FBF1: variants seen among roughly 807,000 people sequenced by gnomAD.
FBF1 encodes the protein fas-binding factor 1.
In FBF1, 119 loss-of-function variants were observed where a neutral mutation model predicts 147.2. The ratio of observed to expected loss-of-function variants is 0.81; its 90% CI spans 0.70 to 0.94. FBF1 has a LOEUF of 0.94. Among genes scored for constraint, FBF1 ranks in the 40% least tolerant of loss-of-function variants. The pLI is 0.00. For missense variants in FBF1, 1,449 were observed against 1,500.8 expected (o/e 0.97, Z 0.57); for synonymous variants, 601 against 609.0 (o/e 0.99, Z 0.19).
intron 3 of FBF1, 80 bp from the exon 4 acceptor site, chr17:75,935,753 A>T (rs1266259084): frequency 7.4e-7 from 1 of 1,347,222 alleles, no homozygotes; most frequent in Non-Finnish European, 1.0e-6. Context: ...GAGACTCGCC[A>T]GAAGGCGTCA....
rs2065573217 is a variant in FBF1 at position 75,928,088 on chromosome 17, G to A, written c.385C>T (p.Pro129Ser). ...DPGKGELPNH[P>S]KPAGGAIPTK... ...GCTACTGACCCACCTGCAGGCTTGG[G>A]GTGGTTGGGCAGCTCTCCTTTCCCA... Residue 129 changes from proline (P) to serine (S), a missense_variant, in exon 8 of 30, where the codon CCC becomes TCC. Pro to Ser is a moderately conservative substitution (Grantham distance 74). Transcript: ENST00000636174. This position sits in a 1 kb window ranked among gnomAD's most constrained non-coding sequence, Gnocchi z 4.2. 1 of 1,613,308 alleles carries A rather than the reference G, an allele frequency of 6.2e-7. No individual in the cohort carries two copies. The highest frequency in any genetic ancestry group is 1.7e-5 in the Admixed American group (1 of 59,992).
intron 28 of FBF1, among the ~76,000 whole-genome samples, chr17:75,912,544 T>C (rs1338060493): frequency 6.6e-6 from 1 of 152,192 alleles, no homozygotes; most frequent in East Asian, 1.9e-4. Flanking sequence ...CAAACACATA[T>C]GTAGGAAGAT....
chr17:75,910,007 C>T lies in FBF1; in HGVS notation c.*716G>A, dbSNP rs779989122. 1.0e-5 allele frequency: 7 copies of T among 679,836 alleles called. No individual in the cohort carries two copies. Among genetic ancestry groups the T allele is most frequent in the South Asian group, 6.0e-5 (4 of 66,536 alleles). 42.1% of individuals were successfully genotyped at this position (679,836 alleles called of 1,614,324 possible). On this transcript the variant is annotated 3_prime_UTR_variant, in exon 30 of 30. Coordinates refer to ENST00000636174, the MANE Select transcript of FBF1 (RefSeq NM_001319193.2). This position sits in a 1 kb window ranked among gnomAD's most constrained non-coding sequence, Gnocchi z 4.1. ...TGAGCAGCACAGAGGCTTCCCTCCT[C>T]GTCCCTCCCCACACCCCACCATCGC...
Position 75,931,274 on chromosome 17 carries a change from A to G in FBF1, c.183T>C (p.Asp61=), listed in dbSNP as rs149127759. The G allele has an allele frequency of 8.2e-4, 1,292 of 1,583,966 alleles. 13 individuals carry two copies. In the African/African-American group the frequency reaches 0.014, roughly 17 times the overall value. Residue 61 remains aspartate (D), a synonymous_variant, in exon 6 of 30, where the codon GAT becomes GAC. Coordinates refer to ENST00000636174, the MANE Select transcript of FBF1 (RefSeq NM_001319193.2). The part of the protein sequence containing the change: ...SKARTKSLLG[D]DVFSTMAGLE... Reference sequence around the variant, plus strand: ...GGCCTGCCATGGTGCTGAAGACATCATCACCCAGGAGGGACCTGCAAAGGG... The same window carrying G: ...GGCCTGCCATGGTGCTGAAGACATCGTCACCCAGGAGGGACCTGCAAAGGG...
intron 13 of FBF1, among the ~76,000 whole-genome samples, chr17:75,924,670 G>C (rs540059795): frequency 1.3e-5 from 2 of 152,222 alleles, no homozygotes; most frequent in South Asian, 4.1e-4. Flanking sequence ...CAGAGACGGG[G>C]TTTCACCATG....
chr17:75,915,650 G>A (rs1256977592), intron 23 of FBF1, among the ~76,000 whole-genome samples: 1 of 152,216 alleles, frequency 6.6e-6, no homozygotes, highest in Non-Finnish European at 1.5e-5. Flanking sequence ...CATGGCTACA[G>A]GATAGATATC....
At chr17:75,914,959 G>A (rs758609660) in intron 24 of FBF1, 27 bp from the exon 25 acceptor site, 20 of 1,611,480 alleles carry the variant, frequency 1.2e-5, no homozygotes, top group Non-Finnish European at 1.7e-5. Flanking sequence ...AAGGCACGGG[G>A]TGAGTGTCCC....
At position 75,909,604 on chromosome 17, in the gene FBF1, C is replaced by T. The variant is rs930000359; in HGVS notation, c.*1119G>A. On this transcript the variant is annotated 3_prime_UTR_variant, in exon 30 of 30. Transcript: ENST00000636174. ...TTTCAGGCAGGTTATTTAATCTCCC[C>T]GGGCCTCAGTTTCTGCATGTTTGAA... The T allele has an allele frequency of 1.8e-5, 9 of 512,356 alleles. 1 individual carries two copies. The East Asian group carries it at 1.8e-4, about 10-fold the overall frequency. 31.7% of individuals were successfully genotyped at this position (512,356 alleles called of 1,614,324 possible).
chr17:75,939,687 C>G, intron 1 of FBF1: 1 of 152,092 alleles, frequency 6.6e-6, no homozygotes, highest in Non-Finnish European at 1.5e-5. Context: ...TGAGCCACCA[C>G]GTCCAGCAAC....
At position 75,933,092 on chromosome 17, in the gene FBF1, GAAAAA is replaced by G; in HGVS notation, c.74-9_74-5del. On this transcript the variant is annotated splice_region_variant and splice_polypyrimidine_tract_variant and intron_variant, in intron 4 of 29. Coordinates refer to ENST00000636174, the MANE Select transcript of FBF1 (RefSeq NM_001319193.2). ...ACAGGCTTCTCAGGTAGTGTCACTG[GAAAAA>G]AAGAAAAGAGAAAACGTGTCATTTA... 6.3e-7 allele frequency: 1 copy of G among 1,594,892 alleles called. No homozygotes were observed.
chr17:75,921,717 G>A (rs914457953), intron 15 of FBF1, among the ~76,000 whole-genome samples, 157 bp from the exon 16 acceptor site: 3 of 133,610 alleles, frequency 2.2e-5, no homozygotes, highest in African/African-American at 5.5e-5. Context: ...CCTCTGCTGG[G>A]ACACGGGGAC....
chr17:75,912,032 G>T (rs1308934447), intron 29 of FBF1, among the ~76,000 whole-genome samples, 160 bp downstream of exon 29: 1 of 152,232 alleles, frequency 6.6e-6, no homozygotes, highest in Non-Finnish European at 1.5e-5. Flanking sequence ...ACCTGGCCTA[G>T]TGTGGAAGTC....
In FBF1 at chr17:75,920,107, C is replaced by T. The variant is rs2065515655; in HGVS notation, c.1831G>A (p.Val611Met). ...GCCCGTTCTAGCTCCAGCTTCCGCA[C>T]CTGGGAGACAGCAGGAGGGCCAGCA... ...QARLAELEAQ[V>M]RKLELERAQH... The change falls in exon 19 of 30, where the codon GTG becomes ATG. Residue 611 changes from valine (V) to methionine (M), a missense_variant and splice_region_variant. Physicochemically the swap from Val to Met is conservative, Grantham distance 21. Transcript: ENST00000636174. 6.3e-7 allele frequency: 1 copy of T among 1,583,590 alleles called. No homozygotes were observed. The highest frequency in any genetic ancestry group is 1.4e-5 in the African/African-American group (1 of 74,068).
At chr17:75,926,958 G>C in intron 9 of FBF1, 81 bp from the exon 10 acceptor site, 9 of 1,533,952 alleles carry the variant, frequency 5.9e-6, no homozygotes, top group Non-Finnish European at 7.9e-6. Flanking sequence ...AGCAGCGCTC[G>C]AGTCAAGGCT....
chr17:75,923,542 T>C lies in FBF1; in HGVS notation c.1068A>G (p.Gly356=). ...CGTCCTTGAGGCCCAACCAGTCAGC[T>C]CCTCCCTTCCTGGGCTGGATGGGGC... ...ASSPIQPRKG[G]ADWLGLKDED... is the part of the protein sequence containing the mutation. The change falls in exon 14 of 30, where the codon GGA becomes GGG. Residue 356 remains glycine, a synonymous_variant. Coordinates refer to ENST00000636174, the MANE Select transcript of FBF1 (RefSeq NM_001319193.2). The surrounding 1 kb of genome is among the most constrained non-coding windows in gnomAD (Gnocchi z 4.1). 6.2e-7 allele frequency: 1 copy of C among 1,607,300 alleles called. No individual in the cohort carries two copies. Among genetic ancestry groups the C allele is most frequent in the East Asian group, 2.2e-5 (1 of 44,718 alleles).
At chr17:75,940,326 A>C (rs1224954789) in intron 1 of FBF1, among the ~76,000 whole-genome samples, 4 of 149,776 alleles carry the variant, frequency 2.7e-5, no homozygotes, top group African/African-American at 4.9e-5. Flanking sequence ...CTCATAGCTT[A>C]CTGCAGCCTC....
chr17:75,922,502 G>A lies in FBF1; in HGVS notation c.1425-456C>T, dbSNP rs2065534389. On this transcript the variant is annotated intron_variant, in intron 14 of 29. Transcript: ENST00000636174. The surrounding 1 kb of genome is among the most constrained non-coding windows in gnomAD (Gnocchi z 5.0). The stretch of plus-strand genomic sequence containing the variant: ...CTGTTTTGGCCTGAGCTTTCCCCTC[G>A]GCCTCAGGTCAAAGTCAAAACTGCC... Among the ~76,000 whole-genome samples the A allele has an allele frequency of 6.6e-6, 1 of 151,922 alleles. No individual in the cohort carries two copies. The highest frequency in any genetic ancestry group is 1.9e-4 in the East Asian group (1 of 5,180).
intron 28 of FBF1, 114 bp from the exon 29 acceptor site, chr17:75,912,421 A>G: frequency 2.8e-6 from 2 of 709,484 alleles, no homozygotes; most frequent in Middle Eastern, 3.7e-4. Flanking sequence ...CTGGCCATAT[A>G]CTCAGGGTGC....
intron 13 of FBF1, among the ~76,000 whole-genome samples, chr17:75,924,479 G>C (rs2065548253): frequency 6.6e-6 from 1 of 152,174 alleles, no homozygotes; most frequent in Non-Finnish European, 1.5e-5. Flanking sequence ...TACAACTTCT[G>C]AAGTTTTTTT....
Sources: gnomAD v4.1 joint callset for allele counts (sites outside exome capture counted in the v4.1 genomes callset) on GRCh38, gnomAD v4.1.1 for gene constraint, Gnocchi (gnomAD v3.1) non-coding constraint, MANE v1.5 for transcripts, NCBI Gene and HGNC (gene_info 2026-07-23, HGNC 2026-07-21) for gene names.